Variants in DRC3 observed in about 807,000 individuals in gnomAD.
DRC3 encodes the protein leucine rich repeat containing 48.
Under a neutral mutation model 57.6 loss-of-function variants are expected in DRC3, and 45 were observed. The observed-to-expected ratio is 0.78, with a 90% CI of 0.62 to 1.00. DRC3 has a LOEUF of 1.00. Among genes scored for constraint, DRC3 ranks in the 50% least tolerant of loss-of-function variants. DRC3 has a pLI of 0.00. For missense variants in DRC3, 655 were observed against 675.2 expected (o/e 0.97, Z 0.33); for synonymous variants, 257 against 272.3 (o/e 0.94, Z 0.55).
intron 12 of DRC3, chr17:18,011,019 A>G: frequency 4.4e-6 from 1 of 227,356 alleles, no homozygotes; most frequent in Non-Finnish European, 8.9e-6. Flanking sequence ...GTGCAATGGC[A>G]TGATCTTGGC....
intron 7 of DRC3, 29 bp downstream of exon 7, chr17:17,994,447 G>A (rs1288837470): frequency 4.5e-6 from 7 of 1,548,060 alleles, no homozygotes; most frequent in East Asian, 2.4e-5. Flanking sequence ...GCACGCCCTC[G>A]GCCCCCTCAG....
At chr17:17,991,650 C>T (rs1371007552) in intron 5 of DRC3, among the ~76,000 whole-genome samples, 1 of 152,086 alleles carries the variant, frequency 6.6e-6, no homozygotes, top group Non-Finnish European at 1.5e-5. Context: ...GCAAAAACCA[C>T]AGTTACTTTT....
intron 4 of DRC3, among the ~76,000 whole-genome samples, chr17:17,985,803 A>G (rs1007794483): frequency 1.3e-5 from 2 of 152,182 alleles, no homozygotes; most frequent in Non-Finnish European, 2.9e-5. Flanking sequence ...AACAGAACCC[A>G]GTGGCACGGT....
At position 18,007,157 on chromosome 17, in the gene DRC3, G is replaced by GCGGGCGGGGC; in HGVS notation, c.1326+15_1326+16insGGGGCCGGGC. ...TAACGACCTGCGCGCGGTAGGCGGG[G>GCGGGCGGGGC]CGGGCTGCTCGGAGCCTGACAGATG... On this transcript the variant is annotated intron_variant, in intron 12 of 13. Transcript: ENST00000399187. 5 of 879,090 alleles carry GCGGGCGGGGC rather than the reference G, an allele frequency of 5.7e-6. 2 individuals carry two copies. The highest frequency in any genetic ancestry group is 8.1e-5 in the East Asian group (2 of 24,806). 54.5% of individuals were successfully genotyped at this position (879,090 alleles called of 1,614,324 possible).
intron 9 of DRC3, among the ~76,000 whole-genome samples, chr17:18,003,856 A>T (rs1289363950): frequency 6.7e-6 from 1 of 149,416 alleles, no homozygotes. Flanking sequence ...TTTCACTGTG[A>T]TAGCCAGGAT....
At chr17:17,982,898 A>G (rs2042775833) in intron 3 of DRC3, among the ~76,000 whole-genome samples, 1 of 152,224 alleles carries the variant, frequency 6.6e-6, no homozygotes. Context: ...CTAATTTTAT[A>G]AATTTTAGAA....
chr17:18,006,346 C>T (rs984136818), intron 11 of DRC3, 93 bp downstream of exon 11: 1 of 926,332 alleles, frequency 1.1e-6, no homozygotes, highest in East Asian at 2.6e-5. Context: ...TCCACAGGGT[C>T]TGAGGAGGTT....
intron 4 of DRC3, among the ~76,000 whole-genome samples, chr17:17,985,811 G>A (rs934619645): frequency 3.9e-5 from 6 of 152,164 alleles, no homozygotes; most frequent in African/African-American, 1.2e-4. Context: ...CCAGTGGCAC[G>A]GTGGGAAAGG....
chr17:18,002,160 T>A (rs553715084), intron 9 of DRC3, among the ~76,000 whole-genome samples: 12 of 151,690 alleles, frequency 7.9e-5, no homozygotes, highest in African/African-American at 2.9e-4. Context: ...AGTGTGAGAC[T>A]CTGTCTCAAA....
At chr17:17,977,831 C>T (rs2042460051) in intron 3 of DRC3, 73 bp downstream of exon 3, 7 of 1,466,462 alleles carry the variant, frequency 4.8e-6, no homozygotes, top group Non-Finnish European at 6.4e-6. Flanking sequence ...TCTTCAAGCC[C>T]CAGGATTCCA....
chr17:18,010,941 T>G (rs1052796816), intron 12 of DRC3: 10 of 248,290 alleles, frequency 4.0e-5, no homozygotes, highest in Admixed American at 2.5e-4. Flanking sequence ...AGGATGAGGT[T>G]TTTTTTTTGT....
At chr17:18,009,939 C>T (rs1329057186) in intron 12 of DRC3, among the ~76,000 whole-genome samples, 1 of 152,208 alleles carries the variant, frequency 6.6e-6, no homozygotes, top group Non-Finnish European at 1.5e-5. Flanking sequence ...CTGGAGCTGG[C>T]ACTGAGGGAG....
At chr17:17,977,214 A>G (rs1228903959) in intron 2 of DRC3, among the ~76,000 whole-genome samples, 1 of 152,234 alleles carries the variant, frequency 6.6e-6, no homozygotes, top group Admixed American at 6.5e-5. Flanking sequence ...GGTACCCACA[A>G]GCCCAAGTGA....
chr17:17,980,399 A>G (rs1383849797), intron 3 of DRC3, among the ~76,000 whole-genome samples: 1 of 151,764 alleles, frequency 6.6e-6, no homozygotes, highest in Non-Finnish European at 1.5e-5. Context: ...AGTTCAAGCA[A>G]TTCTCCTGCC....
At position 17,994,334 on chromosome 17, in the gene DRC3, C is replaced by T. The variant is rs376111177; in HGVS notation, c.627C>T (p.Ile209=). ...KLAEAKHQYS[I]DELKHQENLM... ...CGGAGGCTAAGCACCAGTACAGCAT[C>T]GACGAGCTGAAGCACCAGGAGAACC... Residue 209 remains isoleucine, a synonymous_variant, in exon 7 of 14, where the codon ATC becomes ATT. Coordinates refer to ENST00000399187, the MANE Select transcript of DRC3 (RefSeq NM_031294.4). 10 of 1,554,278 alleles carry T rather than the reference C, an allele frequency of 6.4e-6. No individual in the cohort carries two copies. The East Asian group carries it at 1.2e-4, about 19-fold the overall frequency.
At chr17:17,977,543 A>C in intron 2 of DRC3, 39 bp from the exon 3 acceptor site, 1 of 1,611,976 alleles carries the variant, frequency 6.2e-7, no homozygotes. Flanking sequence ...CAAACAGAGA[A>C]AGAAGCAGGC....
intron 12 of DRC3, among the ~76,000 whole-genome samples, chr17:18,009,792 A>T (rs781695536): frequency 6.6e-6 from 1 of 152,216 alleles, no homozygotes; most frequent in Non-Finnish European, 1.5e-5. Context: ...TGATGAGGTT[A>T]TCTCTAAAAC....
At chr17:17,995,576 G>A (rs375762259) in intron 8 of DRC3, 38 of 163,564 alleles carry the variant, frequency 2.3e-4, no homozygotes, top group Middle Eastern at 3.0e-3. Context: ...AGCTTTGTCT[G>A]TGGGGCCTGA....
At chr17:17,994,475 C>T in intron 7 of DRC3, 57 bp downstream of exon 7, 1 of 1,538,676 alleles carries the variant, frequency 6.5e-7, no homozygotes, top group Non-Finnish European at 8.8e-7. Flanking sequence ...CAAGAGGGCA[C>T]TGATCAAGTA....
Sources: allele counts gnomAD v4.1 joint callset (sites outside exome capture counted in the v4.1 genomes callset), GRCh38; gene constraint gnomAD v4.1.1; transcripts MANE v1.5; gene names NCBI Gene and HGNC (gene_info 2026-07-23, HGNC 2026-07-21).